Variants in RASSF3 observed in about 807,000 individuals in gnomAD.
The protein encoded by RASSF3 is ras association domain-containing protein 3.
In RASSF3, 19 loss-of-function variants were observed where a neutral mutation model predicts 19.9. The ratio of observed to expected loss-of-function variants is 0.96; its 90% CI spans 0.67 to 1.40. The LOEUF is 1.40. Among genes scored for constraint, RASSF3 ranks in the 40% most tolerant of loss-of-function variants. The pLI is 0.00. For missense variants in RASSF3, 306 were observed against 289.8 expected (o/e 1.06, Z -0.41); for synonymous variants, 110 against 104.2 (o/e 1.06, Z -0.34).
chr12:64,653,951 G>A (rs12831875), intron 1 of RASSF3: 3 of 152,248 alleles, frequency 2.0e-5, no homozygotes, highest in Non-Finnish European at 4.4e-5. Flanking sequence ...AAGAATCACC[G>A]GGTTGGTGGT....
chr12:64,684,085 AT>A (rs1206268046), intron 1 of RASSF3, among the ~76,000 whole-genome samples: 12,695 of 127,238 alleles, frequency 0.1, 696 homozygotes, highest in African/African-American at 0.17. Context: ...TGTGGTTGTA[AT>A]TTTTTTTTTT....
intron 1 of RASSF3, among the ~76,000 whole-genome samples, chr12:64,618,012 A>G (rs1201356431): frequency 1.3e-5 from 2 of 152,244 alleles, no homozygotes; most frequent in Non-Finnish European, 2.9e-5. Flanking sequence ...AATAACTTCA[A>G]CCAGCGTTAA....
downstream of RASSF3, among the ~76,000 whole-genome samples, chr12:64,546,175 T>C (rs568799629): frequency 1.3e-4 from 19 of 151,148 alleles, no homozygotes; most frequent in African/African-American, 4.6e-4. Context: ...ACGCAGGTGA[T>C]AATGATACGT....
At chr12:64,511,059 TC>T in intron 1 of RASSF3, among the ~76,000 whole-genome samples, 1 of 152,286 alleles carries the variant, frequency 6.6e-6, no homozygotes, top group Non-Finnish European at 1.5e-5. Context: ...AAAGTTTCCT[TC>T]CAGTTTCATA....
intron 1 of RASSF3, among the ~76,000 whole-genome samples, chr12:64,615,237 G>T (rs991965848): frequency 1.2e-4 from 18 of 152,110 alleles, no homozygotes; most frequent in Admixed American, 1.1e-3. Context: ...GAATAGAAAT[G>T]GTCTAAAGTT....
At chr12:64,568,239 G>A (rs1869462793) in intron 2 of RASSF3, among the ~76,000 whole-genome samples, 1 of 151,932 alleles carries the variant, frequency 6.6e-6, no homozygotes, top group Admixed American at 6.6e-5. Flanking sequence ...CACCATGTTG[G>A]CCAGGCTAGT....
chr12:64,531,424 T>C (rs1217628217), upstream of RASSF3, among the ~76,000 whole-genome samples: 1 of 152,222 alleles, frequency 6.6e-6, no homozygotes, highest in Non-Finnish European at 1.5e-5. Flanking sequence ...TTAATTTTTT[T>C]ATTATGGCAA....
chr12:64,570,896 T>C (rs1481722196), intron 2 of RASSF3, among the ~76,000 whole-genome samples: 4 of 152,130 alleles, frequency 2.6e-5, no homozygotes, highest in African/African-American at 7.2e-5. Flanking sequence ...GGGACTCAAG[T>C]CATCTGGCAA....
chr12:64,670,564 G>GT (rs1872670757), intron 1 of RASSF3, among the ~76,000 whole-genome samples: 4 of 135,264 alleles, frequency 3.0e-5, no homozygotes, highest in Non-Finnish European at 6.5e-5. Flanking sequence ...TTTTTTTTGT[G>GT]GGGGGGATCT....
At chr12:64,564,158 T>C (rs1477071746) in intron 2 of RASSF3, among the ~76,000 whole-genome samples, 1 of 152,246 alleles carries the variant, frequency 6.6e-6, no homozygotes, top group Non-Finnish European at 1.5e-5. Context: ...TTTGTTGTTC[T>C]ATACACTGTC....
chr12:64,692,838 A>G (rs1342431129), intron 4 of RASSF3, among the ~76,000 whole-genome samples: 2 of 152,082 alleles, frequency 1.3e-5, no homozygotes, highest in Non-Finnish European at 2.9e-5. Flanking sequence ...CAGCCTCCCA[A>G]AGTGCTGGGA....
At chr12:64,597,196 G>A (rs1486527057) in intron 2 of RASSF3, among the ~76,000 whole-genome samples, 2 of 149,608 alleles carry the variant, frequency 1.3e-5, no homozygotes, top group African/African-American at 2.5e-5. Context: ...GCAGTGGCTC[G>A]ATCTTCGCTC....
At position 64,610,787 on chromosome 12, in the gene RASSF3, C is replaced by T. The variant is rs757310093; in HGVS notation, c.111+44C>T. On this transcript the variant is annotated intron_variant, in intron 1 of 4. Transcript: ENST00000542104. ...GCGCTGCAGCCCGCGCCCCAGAGTT[C>T]CGGGGAACCCGCCAGCCCGCGCCCC... 8.4e-5 allele frequency: 113 copies of T among 1,346,096 alleles called. 1 individual carries two copies. Among genetic ancestry groups the T allele is most frequent in the Non-Finnish European group, 1.1e-4 (111 of 973,354 alleles). 83.4% of individuals were successfully genotyped at this position (1,346,096 alleles called of 1,614,324 possible).
intron 1 of RASSF3, among the ~76,000 whole-genome samples, chr12:64,630,739 C>T (rs1000789476): frequency 6.6e-6 from 1 of 152,082 alleles, no homozygotes; most frequent in African/African-American, 2.4e-5. Context: ...GCATTAGTAA[C>T]ACTGAATGTG....
intron 2 of RASSF3, among the ~76,000 whole-genome samples, chr12:64,554,698 A>G (rs1869228039): frequency 6.6e-6 from 1 of 152,186 alleles, no homozygotes; most frequent in Admixed American, 6.6e-5. Flanking sequence ...GGAACTAGAA[A>G]TGGGATGACA....
At chr12:64,645,967 T>C (rs1197624479) in intron 1 of RASSF3, among the ~76,000 whole-genome samples, 1 of 152,220 alleles carries the variant, frequency 6.6e-6, no homozygotes, top group East Asian at 1.9e-4. Context: ...CATCTTGAAC[T>C]TCATATAAGT....
At chr12:64,664,965 T>C (rs1278150442) in intron 1 of RASSF3, among the ~76,000 whole-genome samples, 4 of 152,220 alleles carry the variant, frequency 2.6e-5, no homozygotes, top group Non-Finnish European at 4.4e-5. Context: ...CGTACCTCAG[T>C]TTAATAGTGC....
At chr12:64,528,620 T>C (rs1868639118), upstream of RASSF3, among the ~76,000 whole-genome samples, 2 of 152,162 alleles carry the variant, frequency 1.3e-5, 1 homozygote, top group South Asian at 4.1e-4. Context: ...AAAGAAACCT[T>C]ATGTATTAAA....
chr12:64,683,924 G>A (rs1194821454), intron 1 of RASSF3, among the ~76,000 whole-genome samples: 4 of 151,404 alleles, frequency 2.6e-5, no homozygotes, highest in Admixed American at 1.3e-4. Flanking sequence ...AATGAGAACC[G>A]TAATTGGTGG....
Sources: gnomAD v4.1 joint callset for allele counts (sites outside exome capture counted in the v4.1 genomes callset) on GRCh38, gnomAD v4.1.1 for gene constraint, MANE v1.5 for transcripts, NCBI Gene and HGNC (gene_info 2026-07-23, HGNC 2026-07-21) for gene names.